Variants in C2CD4D observed in about 807,000 individuals in gnomAD.
C2CD4D encodes C2 calcium dependent domain containing 4D.
In C2CD4D, 1 loss-of-function variant was observed where a neutral mutation model predicts 0.2. The ratio of observed to expected loss-of-function variants is 4.00; its 90% confidence interval spans 1.42 to 18.99. The LOEUF (loss-of-function observed/expected upper bound fraction) is 18.99. Ranked by LOEUF, C2CD4D falls within the 30% of genes most tolerant of loss-of-function variation. The pLI is 0.11. For missense variants in C2CD4D, 552 were observed against 551.2 expected, an observed-to-expected ratio of 1.00 and a Z score of -0.01; for synonymous variants, 269 against 279.8, an observed-to-expected ratio of 0.96 and a Z score of 0.39.
chr1:151,838,421 G>A lies in C2CD4D; in HGVS notation c.569C>T (p.Pro190Leu), dbSNP rs559968861. The change falls in exon 2 of 2, where the codon CCC (proline) becomes CTC (leucine). Residue 190 changes from proline to leucine, a missense_variant. Transcript: ENST00000454109. ...GTCCAGGTGGAAGAGCGGCGGCGTG[G>A]GCGGCCCGGCGCGGCGCGGCGAGTG... 513 of 1,428,376 alleles carry A rather than the reference G, an allele frequency of 3.6e-4. 1 individual carries two copies. In the African/African-American group the frequency reaches 6.6e-3, roughly 18 times the overall value. 88.5% of individuals were successfully genotyped at this position (1,428,376 alleles called of 1,614,324 possible).
rs948731039 is a variant in C2CD4D, at chr1:151,838,325, C to T, written c.665G>A (p.Arg222Gln). The change falls in exon 2 of 2, where the codon CGG becomes CAG. Residue 222 changes from arginine to glutamine, a missense_variant. By Grantham distance (43) the Arg-to-Gln change is conservative. Coordinates refer to ENST00000454109, the Ensembl canonical transcript of C2CD4D. ...CCCGGCCTGATATTCGGTGGAGAGC[C>T]GCAGCTGCCCGCCGCGGGGCCCCAG... 5.7e-6 allele frequency: 8 copies of T among 1,410,934 alleles called. No homozygotes were observed. In the African/African-American group the frequency reaches 1.1e-4, roughly 19 times the overall value. 87.4% of individuals were successfully genotyped at this position (1,410,934 alleles called of 1,614,324 possible).
exon 2 of C2CD4D, chr1:151,838,785 G>A (rs913206234): frequency 1.5e-6 from 2 of 1,352,176 alleles, no homozygotes; most frequent in Admixed American, 4.1e-5. Context: ...GCCACGTGCC[G>A]CCGGGCCGCG....
At chr1:151,839,212 T>C (rs1652703670) in exon 2 of C2CD4D, 1 of 547,632 alleles carries the variant, frequency 1.8e-6, no homozygotes, top group African/African-American at 2.0e-5. Context: ...GGCGGCGCAG[T>C]CTGGGGGGCT....
At chr1:151,837,868 G>A (rs1399621704) in exon 2 of C2CD4D, 13 of 1,440,540 alleles carry the variant, frequency 9.0e-6, no homozygotes, top group Admixed American at 2.9e-5. Context: ...GCCGGGCAGG[G>A]TGGAAAGAAT....
chr1:151,839,117 T>C (rs1652695333), exon 2 of C2CD4D: 1 of 1,069,704 alleles, frequency 9.3e-7, no homozygotes, highest in South Asian at 1.7e-5. Flanking sequence ...TGAGTGATGC[T>C]GGCGTACACC....
At chr1:151,838,208 A>C (rs748099492) in exon 2 of C2CD4D, 1 of 1,521,444 alleles carries the variant, frequency 6.6e-7, no homozygotes, top group Non-Finnish European at 8.8e-7. Context: ...CAGCCTCAGC[A>C]CCACACAGCA....
At chr1:151,838,625 T>G in exon 2 of C2CD4D, 1 of 1,316,672 alleles carries the variant, frequency 7.6e-7, no homozygotes, top group Non-Finnish European at 9.6e-7. Context: ...CAGCCGGGAC[T>G]GCGCCGCGGG....
chr1:151,838,656 G>A, exon 2 of C2CD4D: 1 of 1,363,512 alleles, frequency 7.3e-7, no homozygotes, highest in Non-Finnish European at 9.4e-7. Context: ...GCCGGGGCAG[G>A]TGGCGGCCCG....
intron 1 of C2CD4D, 129 bp from the exon 2 acceptor site, chr1:151,839,349 T>G: frequency 1.1e-5 from 3 of 284,898 alleles, no homozygotes; most frequent in East Asian, 8.7e-5. Context: ...AGAGGGCCCA[T>G]ATAGTATCCA....
In C2CD4D at chr1:151,839,662, A is replaced by T. The variant is rs183583983; in HGVS notation, c.-231-442T>A. On this transcript the variant is annotated intron_variant, in intron 1 of 1. Transcript: ENST00000454109. ...GTCGCTCCAAGCCAGAAGAGGACTC[A>T]CTTCTGCTCCTGGCAGCCAGGGGAC... 1.1e-3 allele frequency among the ~76,000 whole-genome samples: 161 copies of T among 152,000 alleles called. 1 individual carries two copies. Among genetic ancestry groups the T allele is most frequent in the Non-Finnish European group, 1.8e-3 (124 of 67,936 alleles).
chr1:151,840,511 G>C (rs1217495886), exon 1 of C2CD4D: 3 of 152,220 alleles, frequency 2.0e-5, no homozygotes, highest in Non-Finnish European at 4.4e-5. Context: ...CATTCCAATA[G>C]CTCCAAGGCA....
exon 2 of C2CD4D, chr1:151,839,049 C>A: frequency 6.5e-7 from 1 of 1,528,024 alleles, no homozygotes. Flanking sequence ...CAAATCCCGT[C>A]TCAGATGGGA....
exon 2 of C2CD4D, chr1:151,838,918 G>A: frequency 6.5e-7 from 1 of 1,549,896 alleles, no homozygotes; most frequent in Non-Finnish European, 8.7e-7. Context: ...TGGAGAACAG[G>A]CCGGAAGGCG....
At chr1:151,839,476 C>G (rs1214017979) in intron 1 of C2CD4D, among the ~76,000 whole-genome samples, 188 bp downstream of exon 1, 4 of 152,200 alleles carry the variant, frequency 2.6e-5, no homozygotes, top group African/African-American at 7.2e-5. Flanking sequence ...CCCTCCTCCC[C>G]CGCCCATTTC....
chr1:151,838,971 C>A (rs1220629444), exon 2 of C2CD4D: 41 of 1,550,130 alleles, frequency 2.6e-5, no homozygotes, highest in Non-Finnish European at 2.7e-5. Context: ...TTATAGCCAG[C>A]TTTTTCCAAG....
exon 2 of C2CD4D, chr1:151,837,953 A>G: frequency 6.5e-7 from 1 of 1,542,986 alleles, no homozygotes; most frequent in South Asian, 1.2e-5. Context: ...GGTGGGCGCC[A>G]GGGATGACCC....
At chr1:151,839,013 C>A in exon 2 of C2CD4D, 1 of 1,547,518 alleles carries the variant, frequency 6.5e-7, no homozygotes, top group South Asian at 1.2e-5. Flanking sequence ...TAATGGAATT[C>A]CGAATTCCGC....
At chr1:151,838,050 C>T in exon 2 of C2CD4D, 1 of 1,551,506 alleles carries the variant, frequency 6.4e-7, no homozygotes, top group Non-Finnish European at 8.7e-7. Flanking sequence ...CGAAGTCCCG[C>T]GCCCCTGTCT....
chr1:151,837,978 C>T, exon 2 of C2CD4D: 2 of 1,549,594 alleles, frequency 1.3e-6, no homozygotes, highest in Non-Finnish European at 1.7e-6. Context: ...CCTAGTCCCC[C>T]ACCCAGCGGG....
Sources: allele counts gnomAD v4.1 joint callset (sites outside exome capture counted in the v4.1 genomes callset), GRCh38; gene constraint gnomAD v4.1.1; transcripts MANE v1.5; gene names NCBI Gene and HGNC (gene_info 2026-07-23, HGNC 2026-07-21).